SLC8A3: variants seen among roughly 807,000 people sequenced by gnomAD.
SLC8A3 encodes the protein sodium/calcium exchanger 3.
SLC8A3 carries 37 observed loss-of-function variants against 65.4 expected under a neutral mutation model. The observed-to-expected ratio is 0.57, with a 90% CI of 0.44 to 0.74. The LOEUF is 0.74. Ranked by LOEUF, SLC8A3 falls within the 30% of genes least tolerant of loss-of-function variation. The pLI, the probability that SLC8A3 is intolerant of heterozygous loss-of-function variation, is 0.00. For synonymous variants in SLC8A3, 461 were observed against 444.5 expected, an observed-to-expected ratio of 1.04 and a Z score of -0.47; for missense variants, 1,112 against 1,172.1, an observed-to-expected ratio of 0.95 and a Z score of 0.75.
Position 70,046,396 on chromosome 14 carries a change from A to G in SLC8A3, c.2390-73T>C, listed in dbSNP as rs987003447. The stretch of plus-strand genomic sequence containing the variant: ...GCAGGGCTTGTCTTCCAGTATGCCC[A>G]AAAAGCAGCTTGAGCTGGTGGGCTG... On this transcript the variant is annotated intron_variant, in intron 6 of 6. Coordinates refer to ENST00000356921, the MANE Select transcript of SLC8A3 (RefSeq NM_182932.3). The surrounding 1 kb of genome is among the most constrained non-coding windows in gnomAD (Gnocchi z 4.2). 4 of 1,467,188 alleles carry G rather than the reference A, an allele frequency of 2.7e-6. No homozygotes were observed. The highest frequency in any genetic ancestry group is 3.7e-6 in the Non-Finnish European group (4 of 1,090,134). 90.9% of individuals were successfully genotyped at this position (1,467,188 alleles called of 1,614,324 possible). A position where few individuals can be genotyped will look rare whatever the true frequency, so the allele number is the denominator to read the frequency against.
chr14:70,088,446 G>T (rs116695518), intron 2 of SLC8A3, among the ~76,000 whole-genome samples: 2,017 of 152,198 alleles, frequency 0.013, 45 homozygotes, highest in African/African-American at 0.045. Flanking sequence ...CTCAGGTAAC[G>T]GCTCCTTCCC....
intron 2 of SLC8A3, among the ~76,000 whole-genome samples, chr14:70,082,986 A>C (rs1891164964): frequency 6.6e-6 from 1 of 152,052 alleles, no homozygotes; most frequent in African/African-American, 2.4e-5. Context: ...TAGGGAGAGG[A>C]GGGAAACAGG....
rs140360753 is a variant in SLC8A3 at position 70,051,078 on chromosome 14, T to G, written c.2043A>C (p.Thr681=). The part of the protein sequence containing the change: ...KTTVDKLIKK[T]NLALVVGTHS... Reference sequence around the variant, plus strand: ...GGGTCCCCACAACCAAGGCCAGGTTTGTCTTCTTGATCAGTTTGTCCACCG... The same window carrying G: ...GGGTCCCCACAACCAAGGCCAGGTTGGTCTTCTTGATCAGTTTGTCCACCG... The change falls in exon 5 of 7, where the codon ACA becomes ACC. Residue 681 remains threonine (T), a synonymous_variant. Coordinates refer to ENST00000356921, the MANE Select transcript of SLC8A3 (RefSeq NM_182932.3). 231 of 1,613,554 alleles carry G rather than the reference T, an allele frequency of 1.4e-4. No homozygotes were observed. Among genetic ancestry groups the G allele is most frequent in the Middle Eastern group, 1.6e-4 (1 of 6,082 alleles).
At chr14:70,124,759 A>G (rs1894327980) in intron 2 of SLC8A3, among the ~76,000 whole-genome samples, 1 of 152,236 alleles carries the variant, frequency 6.6e-6, no homozygotes, top group Admixed American at 6.5e-5. Context: ...AAACCAGTAA[A>G]TAGTGTTCAA....
At position 70,166,806 on chromosome 14, in the gene SLC8A3, A is replaced by T; in HGVS notation, c.1617T>A (p.Ile539=). The part of the protein sequence containing the change: ...AGIFTFECDT[I]HVSESIGVME... ...TAACACCAATACTCTCACTGACATG[A>T]ATAGTATCACATTCAAAAGTGAAGA... The change falls in exon 2 of 7, where the codon ATT becomes ATA. Residue 539 remains isoleucine (I), a synonymous_variant. Transcript: ENST00000356921. 6.2e-7 allele frequency: 1 copy of T among 1,614,142 alleles called. No homozygotes were observed. Among genetic ancestry groups the T allele is most frequent in the Admixed American group, 1.7e-5 (1 of 60,028 alleles).
At position 70,046,909 on chromosome 14, in the gene SLC8A3, G is replaced by A. The variant is rs1210854020; in HGVS notation, c.2390-586C>T. The A allele has an allele frequency of 6.6e-6, 1 of 152,318 alleles. No homozygotes were observed. Among genetic ancestry groups the A allele is most frequent in the African/African-American group, 2.4e-5 (1 of 41,410 alleles). The allele number at this position is 152,318 out of a possible 1,614,324, so 9.4% of individuals were successfully genotyped here. On this transcript the variant is annotated intron_variant, in intron 6 of 6. Transcript: ENST00000356921. This position sits in a 1 kb window ranked among gnomAD's most constrained non-coding sequence, Gnocchi z 4.2. ...ATATATGTATCACAGGGCCTTGCAG[G>A]GTGTTTGACTTTAGATCTTGGCACA...
intron 2 of SLC8A3, among the ~76,000 whole-genome samples, chr14:70,145,629 A>G (rs552508002): frequency 1.3e-5 from 2 of 152,252 alleles, no homozygotes; most frequent in Non-Finnish European, 2.9e-5. Context: ...GCCCAATGAT[A>G]GCAACACTGT....
At chr14:70,148,535 CTG>C (rs1258726825) in intron 2 of SLC8A3, among the ~76,000 whole-genome samples, 12 of 152,162 alleles carry the variant, frequency 7.9e-5, no homozygotes, top group Non-Finnish European at 1.5e-5. Flanking sequence ...GTGGCAGTAA[CTG>C]TGACCAGTAA....
chr14:70,162,335 C>CAT (rs996001845), intron 2 of SLC8A3, among the ~76,000 whole-genome samples: 28 of 152,226 alleles, frequency 1.8e-4, no homozygotes, highest in African/African-American at 6.0e-4. Flanking sequence ...AACTTTCTAT[C>CAT]ATAGCTAGCC....
rs949354729 is a variant in SLC8A3, at chr14:70,188,885, C to T, written c.-569G>A. 1.3e-5 allele frequency: 2 copies of T among 152,064 alleles called. No individual in the cohort carries two copies. The highest frequency in any genetic ancestry group is 4.8e-5 in the African/African-American group (2 of 41,428). The allele number at this position is 152,064 out of a possible 1,614,324, so 9.4% of individuals were successfully genotyped here. ...CTGGGCTGGGAGCGCGCCGGGTCTC[C>T]GCCTTGCACGCTGTCACCGCGGGAG... On this transcript the variant is annotated 5_prime_UTR_variant, in exon 1 of 7. Transcript: ENST00000356921.
chr14:70,154,771 CTGAAA>C (rs1896475121), intron 2 of SLC8A3, among the ~76,000 whole-genome samples: 1 of 152,036 alleles, frequency 6.6e-6, no homozygotes, highest in African/African-American at 2.4e-5. Flanking sequence ...TGTAAATACA[CTGAAA>C]TGATTTTTTT....
At chr14:70,070,404 C>A (rs562896771) in intron 2 of SLC8A3, among the ~76,000 whole-genome samples, 1 of 152,214 alleles carries the variant, frequency 6.6e-6, no homozygotes, top group South Asian at 2.1e-4. Context: ...ACATGAAGAA[C>A]CAGAGGACCA....
chr14:70,074,607 T>C (rs1890307997), intron 2 of SLC8A3, among the ~76,000 whole-genome samples: 1 of 152,178 alleles, frequency 6.6e-6, no homozygotes, highest in Admixed American at 6.5e-5. Context: ...TGCTTAAAGG[T>C]CTGAAGTTAT....
chr14:70,103,978 G>A (rs917203506), intron 2 of SLC8A3, among the ~76,000 whole-genome samples: 2 of 152,016 alleles, frequency 1.3e-5, no homozygotes, highest in African/African-American at 4.8e-5. Context: ...AAAGGATGAA[G>A]TGGCTACATT....
chr14:70,053,152 C>G (rs1465194319), intron 3 of SLC8A3, among the ~76,000 whole-genome samples: 5 of 152,198 alleles, frequency 3.3e-5, no homozygotes, highest in Admixed American at 2.6e-4. Context: ...GGGCACCAAA[C>G]ACAGAAGGCA....
At chr14:70,062,669 G>A (rs1417338870) in intron 2 of SLC8A3, among the ~76,000 whole-genome samples, 1 of 152,194 alleles carries the variant, frequency 6.6e-6, no homozygotes, top group Non-Finnish European at 1.5e-5. Context: ...ATGCACGACT[G>A]TACATTTTTA....
intron 2 of SLC8A3, among the ~76,000 whole-genome samples, chr14:70,101,600 C>A (rs1892558646): frequency 6.6e-6 from 1 of 152,130 alleles, no homozygotes; most frequent in African/African-American, 2.4e-5. Flanking sequence ...AAGTGACATG[C>A]CCCAGTTTGT....
intron 1 of SLC8A3, among the ~76,000 whole-genome samples, chr14:70,185,652 T>C (rs1223048999): frequency 6.6e-6 from 1 of 152,184 alleles, no homozygotes; most frequent in African/African-American, 2.4e-5. Flanking sequence ...TAATTGTTCC[T>C]CCAATTCCAC....
At chr14:70,047,287 C>T (rs1302927779) in intron 6 of SLC8A3, 2 of 152,238 alleles carry the variant, frequency 1.3e-5, no homozygotes, top group South Asian at 2.1e-4. Flanking sequence ...ACCTCTTACC[C>T]TTTCTTGCCT....
Sources: gnomAD v4.1 joint callset for allele counts (sites outside exome capture counted in the v4.1 genomes callset) on GRCh38, gnomAD v4.1.1 for gene constraint, Gnocchi (gnomAD v3.1) non-coding constraint, MANE v1.5 for transcripts, NCBI Gene and HGNC (gene_info 2026-07-23, HGNC 2026-07-21) for gene names.